BRINP3: variants seen among roughly 807,000 people sequenced by gnomAD.
BRINP3 encodes BMP/retinoic acid inducible neural specific 3.
In BRINP3, 19 loss-of-function variants were observed where a neutral mutation model predicts 71.0. That is an observed-to-expected ratio of 0.27 (90% CI 0.19 to 0.39). The LOEUF is 0.39. BRINP3 is among the 10% of genes least tolerant of loss of function. The pLI is 1.00. For synonymous variants in BRINP3, 380 were observed against 337.7 expected, an observed-to-expected ratio of 1.13 and a Z score of -1.37; for missense variants, 959 against 940.8, an observed-to-expected ratio of 1.02 and a Z score of -0.25.
At chr1:190,429,179 G>T (rs1673922856) in intron 2 of BRINP3, among the ~76,000 whole-genome samples, 1 of 152,112 alleles carries the variant, frequency 6.6e-6, no homozygotes. Flanking sequence ...TATTAAAATT[G>T]AGAATGCATA....
At chr1:190,380,505 G>A (rs1014355586) in intron 2 of BRINP3, among the ~76,000 whole-genome samples, 93 of 152,230 alleles carry the variant, frequency 6.1e-4, no homozygotes, top group Non-Finnish European at 1.6e-4. Context: ...ATCTACCTCA[G>A]AAAATAGTTG....
chr1:190,242,582 T>C (rs558493114), intron 4 of BRINP3, among the ~76,000 whole-genome samples: 4 of 152,246 alleles, frequency 2.6e-5, no homozygotes, highest in Admixed American at 2.6e-4. Context: ...TATTCTCTAA[T>C]TTTATTCCTC....
intron 6 of BRINP3, among the ~76,000 whole-genome samples, chr1:190,161,728 AC>A (rs1308704679): frequency 2.6e-5 from 4 of 152,158 alleles, no homozygotes; most frequent in Non-Finnish European, 5.9e-5. Flanking sequence ...AAAGGTGGAA[AC>A]AACTAGACGG....
intron 4 of BRINP3, among the ~76,000 whole-genome samples, chr1:190,241,387 C>T (rs574069123): frequency 8.6e-5 from 13 of 151,978 alleles, no homozygotes; most frequent in Middle Eastern, 3.2e-3. Flanking sequence ...AATACCCATT[C>T]TAAACAACAC....
intron 2 of BRINP3, among the ~76,000 whole-genome samples, chr1:190,380,138 G>A (rs866743288): frequency 3.0e-4 from 46 of 151,994 alleles, no homozygotes; most frequent in African/African-American, 1.0e-3. Flanking sequence ...TTGGATGCCT[G>A]TAACAATAGT....
At chr1:190,336,044 A>G (rs1667263177) in intron 2 of BRINP3, among the ~76,000 whole-genome samples, 2 of 151,978 alleles carry the variant, frequency 1.3e-5, no homozygotes, top group East Asian at 3.9e-4. Context: ...CTACCATGTG[A>G]TATATATTAA....
chr1:190,167,004 C>T (rs979871162), intron 6 of BRINP3, among the ~76,000 whole-genome samples: 1 of 152,062 alleles, frequency 6.6e-6, no homozygotes, highest in African/African-American at 2.4e-5. Flanking sequence ...GGATTACATG[C>T]GTGAGACATC....
chr1:190,440,303 T>C (rs567648599), intron 2 of BRINP3, among the ~76,000 whole-genome samples: 68 of 151,906 alleles, frequency 4.5e-4, no homozygotes, highest in Non-Finnish European at 8.8e-4. Context: ...TTTTAGAAAT[T>C]AGAAAAATTT....
chr1:190,194,907 T>A (rs1437452321), intron 6 of BRINP3, among the ~76,000 whole-genome samples: 1 of 152,074 alleles, frequency 6.6e-6, no homozygotes, highest in Non-Finnish European at 1.5e-5. Flanking sequence ...TTAGCATAAA[T>A]AATTCAAAAG....
chr1:190,186,056 T>A (rs754279684), intron 6 of BRINP3, among the ~76,000 whole-genome samples: 9 of 152,112 alleles, frequency 5.9e-5, no homozygotes, highest in Non-Finnish European at 1.2e-4. Flanking sequence ...GTTTGTCAAC[T>A]TGGTCATTTA....
At chr1:190,362,896 G>C (rs1263076968) in intron 2 of BRINP3, among the ~76,000 whole-genome samples, 2 of 152,194 alleles carry the variant, frequency 1.3e-5, no homozygotes, top group East Asian at 3.9e-4. Flanking sequence ...GTCTTTATCA[G>C]CAGCATGACA....
At chr1:190,198,286 A>T (rs1383568356) in intron 6 of BRINP3, among the ~76,000 whole-genome samples, 1 of 152,032 alleles carries the variant, frequency 6.6e-6, no homozygotes, top group Non-Finnish European at 1.5e-5. Context: ...CCCTGGAGAC[A>T]TTTTCCTCAT....
chr1:190,265,796 G>T (rs1023002158), intron 3 of BRINP3, among the ~76,000 whole-genome samples: 1 of 152,008 alleles, frequency 6.6e-6, no homozygotes, highest in African/African-American at 2.4e-5. Context: ...TATCCAAATG[G>T]AAATATGACA....
intron 2 of BRINP3, among the ~76,000 whole-genome samples, chr1:190,391,989 C>A (rs1294713663): frequency 1.3e-5 from 2 of 151,460 alleles, no homozygotes; most frequent in African/African-American, 4.8e-5. Flanking sequence ...TGATGCTTTA[C>A]CATCATCATA....
chr1:190,345,715 GA>G (rs10664849), intron 2 of BRINP3, among the ~76,000 whole-genome samples: 122 of 103,620 alleles, frequency 1.2e-3, no homozygotes, highest in Admixed American at 2.3e-3. Flanking sequence ...TTTACCTTCA[GA>G]AAAAAAAAAA....
intron 2 of BRINP3, among the ~76,000 whole-genome samples, chr1:190,453,203 A>ATTTTTTT (rs1190785225): frequency 0.039 from 1,603 of 40,844 alleles, 603 homozygotes; most frequent in Non-Finnish European, 0.054. Flanking sequence ...AAACTTTAGT[A>ATTTTTTT]TTTTTTTTTT....
intron 7 of BRINP3, among the ~76,000 whole-genome samples, chr1:190,154,530 A>G (rs1656696824): frequency 6.6e-6 from 1 of 152,170 alleles, no homozygotes; most frequent in South Asian, 2.1e-4. Flanking sequence ...AATGGAGAGT[A>G]AACTACTGCT....
intron 2 of BRINP3, among the ~76,000 whole-genome samples, chr1:190,436,981 T>C (rs1231810229): frequency 1.3e-5 from 2 of 151,850 alleles, no homozygotes; most frequent in Non-Finnish European, 3.0e-5. Flanking sequence ...CAATATAAGT[T>C]ACAGAAGTTT....
At chr1:190,132,119 C>T (rs1376398724) in intron 7 of BRINP3, among the ~76,000 whole-genome samples, 1 of 151,956 alleles carries the variant, frequency 6.6e-6, no homozygotes, top group Admixed American at 6.6e-5. Context: ...ATCAAATTTG[C>T]CAATGACCTT....
Sources: gnomAD v4.1 joint callset for allele counts (sites outside exome capture counted in the v4.1 genomes callset) on GRCh38, gnomAD v4.1.1 for gene constraint, MANE v1.5 for transcripts, NCBI Gene and HGNC (gene_info 2026-07-23, HGNC 2026-07-21) for gene names.